Variants in NRAP observed in about 807,000 individuals in gnomAD.
NRAP encodes the protein nebulin related anchoring protein.
In NRAP, 189 loss-of-function variants were observed where a neutral mutation model predicts 225.9. That is an observed-to-expected ratio of 0.84 (90% CI 0.74 to 0.94). The LOEUF (loss-of-function observed/expected upper bound fraction) is 0.94. Among genes scored for constraint, NRAP ranks in the 40% least tolerant of loss-of-function variants. The probability of loss-of-function intolerance (pLI) is 0.00; values close to 1 mark genes in which losing one functional copy is unlikely to be tolerated. For missense variants in NRAP, 2,176 were observed against 2,168.7 expected, an observed-to-expected ratio of 1.00 and a Z score of -0.07; for synonymous variants, 769 against 790.7, an observed-to-expected ratio of 0.97 and a Z score of 0.46.
At chr10:113,616,910 C>A (rs1190769715) in intron 26 of NRAP, among the ~76,000 whole-genome samples, 2 of 152,090 alleles carry the variant, frequency 1.3e-5, no homozygotes, top group Non-Finnish European at 2.9e-5. Context: ...AACCCTGCAC[C>A]CCAGCCAACC....
At chr10:113,617,602 A>G (rs1847746356) in intron 25 of NRAP, 49 bp from the exon 26 acceptor site, 1 of 1,086,140 alleles carries the variant, frequency 9.2e-7, no homozygotes, top group Non-Finnish European at 1.4e-6. Flanking sequence ...CTGCTCTTTC[A>G]TGCCATTTGA....
intron 23 of NRAP, among the ~76,000 whole-genome samples, chr10:113,622,412 T>C (rs1429784716): frequency 6.6e-6 from 1 of 152,172 alleles, no homozygotes; most frequent in South Asian, 2.1e-4. Context: ...AACTCAGGGT[T>C]ATAAATAAAA....
At chr10:113,615,332 G>A (rs1592768463) in intron 27 of NRAP, among the ~76,000 whole-genome samples, 1 of 152,322 alleles carries the variant, frequency 6.6e-6, no homozygotes, top group East Asian at 1.9e-4. Flanking sequence ...ATGGTGGGCA[G>A]GGGAGCTGAC....
chr10:113,620,491 C>T, intron 25 of NRAP, 113 bp downstream of exon 25: 1 of 767,194 alleles, frequency 1.3e-6, no homozygotes, highest in Non-Finnish European at 2.2e-6. Flanking sequence ...TGAGGCCTTT[C>T]ATGTGGCTTT....
chr10:113,620,600 T>C lies in NRAP; in HGVS notation c.2874+4A>G, dbSNP rs781166175. On this transcript the variant is annotated splice_donor_region_variant and intron_variant, in intron 25 of 41. Transcript: ENST00000359988. ...GCCTGTTACAGGCTGTCAGGAAATC[T>C]CACCTCGCTAATGAGTTCTCCTGCC... 7 of 1,595,362 alleles carry C rather than the reference T, an allele frequency of 4.4e-6. No homozygotes were observed. The South Asian group carries it at 5.5e-5, about 13-fold the overall frequency.
intron 13 of NRAP, among the ~76,000 whole-genome samples, chr10:113,640,828 G>C (rs1849160413): frequency 6.6e-6 from 1 of 152,158 alleles, no homozygotes; most frequent in African/African-American, 2.4e-5. Context: ...CTATAAACTG[G>C]ATTGACGAAG....
In NRAP at chr10:113,590,874, C is replaced by G; in HGVS notation, c.4660G>C (p.Ala1554Pro). 1 of 1,613,690 alleles carries G rather than the reference C, an allele frequency of 6.2e-7. No homozygotes were observed. ...EIASDFRYKE[A>P]FLRDRGLQIG... is the part of the protein sequence containing the mutation. ...TGCAGGCCTCGGTCCCGCAGGAAAG[C>G]CTCTTTGTACCGGAACTGCAAGTCA... The change falls in exon 40 of 42, where the codon GCT (alanine) becomes CCT (proline). Residue 1554 changes from alanine (A) to proline (P), a missense_variant. Physicochemically the swap from Ala to Pro is conservative, Grantham distance 27 (BLOSUM62 -1). Coordinates refer to ENST00000359988, the MANE Select transcript of NRAP (RefSeq NM_198060.4).
In NRAP at chr10:113,598,049, C is replaced by T. The variant is rs754822205; in HGVS notation, c.4252G>A (p.Gly1418Ser). 4.1e-5 allele frequency: 66 copies of T among 1,613,388 alleles called. No individual in the cohort carries two copies. The highest frequency in any genetic ancestry group is 2.7e-4 in the Admixed American group (16 of 59,944). Residue 1418 changes from glycine to serine, a missense_variant, in exon 36 of 42, where the codon GGC becomes AGC. Gly to Ser is a moderately conservative substitution (Grantham distance 56). Transcript: ENST00000359988. Reference protein sequence around the residue: ...SELRYKSDLIGMKGIGWLALR... With the variant: ...SELRYKSDLISMKGIGWLALR... Reference sequence around the variant, plus strand: ...GCCAGCCATCCTATGCCCTTCATGCCGATCAGGTCTGACTTGTAGCGCAAC... The same window carrying T: ...GCCAGCCATCCTATGCCCTTCATGCTGATCAGGTCTGACTTGTAGCGCAAC...
chr10:113,659,506 C>T (rs1850529922), intron 3 of NRAP, among the ~76,000 whole-genome samples: 2 of 152,182 alleles, frequency 1.3e-5, no homozygotes, highest in Admixed American at 1.3e-4. Context: ...CCTCCTTCCC[C>T]AGTGCAAATC....
chr10:113,594,276 G>A (rs773190105), intron 38 of NRAP, among the ~76,000 whole-genome samples: 22 of 152,170 alleles, frequency 1.4e-4, no homozygotes, highest in South Asian at 2.1e-4. Context: ...CCAATTGTGC[G>A]TATTCTACAC....
In NRAP at chr10:113,598,134, A is replaced by G. The variant is rs1404993031; in HGVS notation, c.4228-61T>C. 1.0e-5 allele frequency: 10 copies of G among 975,718 alleles called. No homozygotes were observed. The Admixed American group carries it at 1.7e-4, about 17-fold the overall frequency. The allele number at this position is 975,718 out of a possible 1,614,324, so 60.4% of individuals were successfully genotyped here. ...GTGCTTAAGACTAGTACAGCATTTC[A>G]AGAAGATCCTTGATTTGTAATAGCA... On this transcript the variant is annotated intron_variant, in intron 35 of 41. Coordinates refer to ENST00000359988, the MANE Select transcript of NRAP (RefSeq NM_198060.4).
chr10:113,598,280 C>T lies in NRAP; in HGVS notation c.4228-207G>A, dbSNP rs117080864. 3.1e-4 allele frequency among the ~76,000 whole-genome samples: 45 copies of T among 147,286 alleles called. No individual in the cohort carries two copies. The East Asian group carries it at 8.5e-3, about 28-fold the overall frequency. ...CAGGAATTAATTAATGCATCACATACGAGATACAAGAAGGTCCCACCAGTG... is the reference window on the plus strand; with the variant it reads ...CAGGAATTAATTAATGCATCACATATGAGATACAAGAAGGTCCCACCAGTG... On this transcript the variant is annotated intron_variant, in intron 35 of 41. Transcript: ENST00000359988.
Position 113,612,264 on chromosome 10 carries a change from A to C in NRAP, c.3468T>G (p.Cys1156Trp). Residue 1156 changes from cysteine to tryptophan, a missense_variant, in exon 30 of 42, where the codon TGT becomes TGG. Physicochemically the swap from Cys to Trp is radical, Grantham distance 215. Coordinates refer to ENST00000359988, the MANE Select transcript of NRAP (RefSeq NM_198060.4). The stretch of plus-strand genomic sequence containing the variant: ...TCTGCAATTTGTGAGCTTTCTTGGC[A>C]CAGCTCAGCCTCAGGTCTTCTGCCA... ...TSLAEDLRLS[C>W]AKKAHKLQSE... 1.2e-6 allele frequency: 2 copies of C among 1,614,152 alleles called. No homozygotes were observed. Among genetic ancestry groups the C allele is most frequent in the Non-Finnish European group, 1.7e-6 (2 of 1,180,010 alleles).
At chr10:113,593,984 C>T (rs1276114677) in intron 38 of NRAP, among the ~76,000 whole-genome samples, 1 of 152,208 alleles carries the variant, frequency 6.6e-6, no homozygotes, top group African/African-American at 2.4e-5. Context: ...TGGGCGACTT[C>T]TCCCTGTGTA....
intron 10 of NRAP, among the ~76,000 whole-genome samples, chr10:113,646,359 A>C (rs919062205): frequency 3.9e-5 from 6 of 152,184 alleles, no homozygotes; most frequent in Admixed American, 3.9e-4. Context: ...GTTCTTTGGT[A>C]AAGGAAAGAA....
intron 40 of NRAP, among the ~76,000 whole-genome samples, chr10:113,590,039 G>GTT (rs1035769087): frequency 2.0e-5 from 3 of 152,174 alleles, no homozygotes; most frequent in African/African-American, 7.2e-5. Context: ...AGTGACAAAA[G>GTT]TTACAGTTGG....
chr10:113,633,820 G>A (rs1419099), intron 15 of NRAP, among the ~76,000 whole-genome samples: 84,105 of 152,034 alleles, frequency 0.55, 24,514 homozygotes, highest in East Asian at 0.72. Flanking sequence ...AAAATAATAT[G>A]GAAGAGGAGA....
At chr10:113,603,636 G>A (rs2133884802) in intron 35 of NRAP, among the ~76,000 whole-genome samples, 1 of 152,212 alleles carries the variant, frequency 6.6e-6, no homozygotes, top group African/African-American at 2.4e-5. Context: ...ACTCCGCAGA[G>A]CCTAGGCCCT....
At chr10:113,589,373 G>GCAGT in intron 41 of NRAP, 1 of 566,528 alleles carries the variant, frequency 1.8e-6, no homozygotes, top group East Asian at 2.9e-5. Context: ...TAACGAGCAA[G>GCAGT]CAGTCAGCAC....
Sources: gnomAD v4.1 joint callset for allele counts (sites outside exome capture counted in the v4.1 genomes callset) on GRCh38, gnomAD v4.1.1 for gene constraint, MANE v1.5 for transcripts, NCBI Gene and HGNC (gene_info 2026-07-23, HGNC 2026-07-21) for gene names.